NAALADL2: variants seen among roughly 807,000 people sequenced by gnomAD.
The protein encoded by NAALADL2 is N-acetylated alpha-linked acidic dipeptidase like 2, also known as inactive N-acetylated-alpha-linked acidic dipeptidase-like protein 2.
Under a neutral mutation model 87.2 loss-of-function variants are expected in NAALADL2, and 76 were observed. That is an observed-to-expected ratio of 0.87 (90% CI 0.72 to 1.05). NAALADL2 has a LOEUF of 1.05. NAALADL2 is among the 50% of genes least tolerant of loss of function. The pLI is 0.00. For missense variants in NAALADL2, 1,089 were observed against 945.8 expected (o/e 1.15, Z -1.99); for synonymous variants, 354 against 331.0 (o/e 1.07, Z -0.75).
At chr3:175,473,592 TTAA>T (rs1044042551) in intron 9 of NAALADL2, among the ~76,000 whole-genome samples, 5 of 151,660 alleles carry the variant, frequency 3.3e-5, no homozygotes, top group Admixed American at 3.3e-4. Context: ...ATACAAAAAT[TTAA>T]TATCACATTT....
intron 1 of NAALADL2, among the ~76,000 whole-genome samples, chr3:174,946,501 T>G (rs1219212102): frequency 1.3e-5 from 2 of 152,210 alleles, no homozygotes; most frequent in East Asian, 3.8e-4. Context: ...AGGATTACTT[T>G]GAGAATTATA....
chr3:174,557,286 A>T (rs1712952577), intron 2 of NAALADL2, among the ~76,000 whole-genome samples: 1 of 152,176 alleles, frequency 6.6e-6, no homozygotes, highest in African/African-American at 2.4e-5. Flanking sequence ...AAAAAATACA[A>T]CTTTATTTTT....
chr3:175,024,766 A>G (rs1421120574), intron 1 of NAALADL2, among the ~76,000 whole-genome samples: 2 of 152,056 alleles, frequency 1.3e-5, no homozygotes, highest in Admixed American at 6.6e-5. Context: ...AATTGACAAA[A>G]TTGAGCACAC....
chr3:175,646,881 ATAG>A (rs1477078454), intron 11 of NAALADL2, among the ~76,000 whole-genome samples: 1 of 152,072 alleles, frequency 6.6e-6, no homozygotes, highest in African/African-American at 2.4e-5. Flanking sequence ...CCCCATTATA[ATAG>A]TCAGGAAAGA....
intron 4 of NAALADL2, among the ~76,000 whole-genome samples, chr3:175,276,582 C>G (rs943883734): frequency 1.3e-5 from 2 of 152,086 alleles, no homozygotes; most frequent in East Asian, 3.9e-4. Flanking sequence ...GGATTACAGG[C>G]GTGAGCCACC....
chr3:175,027,316 A>G (rs751989836), intron 1 of NAALADL2, among the ~76,000 whole-genome samples: 1 of 152,248 alleles, frequency 6.6e-6, no homozygotes, highest in Non-Finnish European at 1.5e-5. Context: ...CTGAAGCAGC[A>G]TAGGTGAAGA....
chr3:175,790,054 A>T (rs1752589090), intron 13 of NAALADL2, among the ~76,000 whole-genome samples: 1 of 152,178 alleles, frequency 6.6e-6, no homozygotes, highest in Non-Finnish European at 1.5e-5. Context: ...GGGGACTTAG[A>T]ATACAAAATT....
intron 1 of NAALADL2, among the ~76,000 whole-genome samples, chr3:174,506,214 T>A (rs994289849): frequency 6.6e-6 from 1 of 151,702 alleles, no homozygotes; most frequent in African/African-American, 2.4e-5. Flanking sequence ...AGGGTCTCAT[T>A]CTATTTCCCA....
intron 2 of NAALADL2, among the ~76,000 whole-genome samples, chr3:174,695,229 T>A (rs1484357113): frequency 6.6e-6 from 1 of 152,008 alleles, no homozygotes; most frequent in East Asian, 1.9e-4. Context: ...AGTTATCATG[T>A]GTCGAGAGTC....
At chr3:175,231,608 A>G (rs754585163) in intron 2 of NAALADL2, among the ~76,000 whole-genome samples, 5 of 152,092 alleles carry the variant, frequency 3.3e-5, no homozygotes, top group African/African-American at 1.2e-4. Flanking sequence ...TGCACCATAA[A>G]GCAACTGAGA....
chr3:174,509,568 ATTTTTTTTTTTTTT>A (rs145219498), intron 1 of NAALADL2, among the ~76,000 whole-genome samples: 36 of 80,118 alleles, frequency 4.5e-4, no homozygotes, highest in South Asian at 1.3e-3. Context: ...CACCCAGCTA[ATTTTTTTTTTTTTT>A]TTTTTTTTTT....
At chr3:174,601,731 C>T (rs1325240702) in intron 2 of NAALADL2, among the ~76,000 whole-genome samples, 1 of 152,224 alleles carries the variant, frequency 6.6e-6, no homozygotes, top group East Asian at 1.9e-4. Context: ...ACTCCCATGT[C>T]CTGGAGAGTT....
At chr3:174,939,448 T>C (rs1259298146) in intron 1 of NAALADL2, among the ~76,000 whole-genome samples, 1 of 151,980 alleles carries the variant, frequency 6.6e-6, no homozygotes, top group Non-Finnish European at 1.5e-5. Context: ...TATGATGCCT[T>C]CAGTTTTTTC....
intron 4 of NAALADL2, among the ~76,000 whole-genome samples, chr3:175,294,931 G>T (rs1756127225): frequency 1.3e-5 from 2 of 152,266 alleles, no homozygotes; most frequent in Middle Eastern, 3.4e-3. Flanking sequence ...AAGCATGATT[G>T]CTTCTTAATA....
rs1722058873 is a variant in NAALADL2, at chr3:174,539,883, A to T, written c.-183-10686A>T. On this transcript the variant is annotated intron_variant, in intron 1 of 3. Coordinates refer to the NAALADL2 transcript ENST00000434257. ...AACATGAACAAAGATGCCAAGAGACATAGAGCATCTGTCAACCTCAGAGTT... is the reference window on the plus strand; with the variant it reads ...AACATGAACAAAGATGCCAAGAGACTTAGAGCATCTGTCAACCTCAGAGTT... Among the ~76,000 whole-genome samples, 3 of 151,310 alleles carry T rather than the reference A, an allele frequency of 2.0e-5. No individual in the cohort carries two copies. In the South Asian group the frequency reaches 6.3e-4, roughly 32 times the overall value.
intron 1 of NAALADL2, among the ~76,000 whole-genome samples, chr3:174,967,769 C>T (rs1235756781): frequency 6.6e-6 from 1 of 152,286 alleles, no homozygotes; most frequent in East Asian, 1.9e-4. Context: ...ATCACTGACC[C>T]CAAGAAAGAT....
intron 3 of NAALADL2, among the ~76,000 whole-genome samples, chr3:174,797,161 A>T (rs1319316349): frequency 1.3e-5 from 2 of 152,022 alleles, no homozygotes; most frequent in Non-Finnish European, 2.9e-5. Context: ...GTTCAGTTTC[A>T]TTCTTCTGCA....
chr3:174,522,803 G>A (rs1379923814), intron 1 of NAALADL2, among the ~76,000 whole-genome samples: 17 of 151,554 alleles, frequency 1.1e-4, no homozygotes, highest in Admixed American at 1.1e-3. Context: ...GTGCGGTGGC[G>A]GGCGCCTGTA....
chr3:175,610,737 C>G (rs1724519959), intron 10 of NAALADL2, among the ~76,000 whole-genome samples: 2 of 151,980 alleles, frequency 1.3e-5, no homozygotes, highest in Non-Finnish European at 2.9e-5. Context: ...ATCAGTGTAT[C>G]TGAAGAAATA....
Sources: allele counts gnomAD v4.1 joint callset (sites outside exome capture counted in the v4.1 genomes callset), GRCh38; gene constraint gnomAD v4.1.1; transcripts MANE v1.5; gene names NCBI Gene and HGNC (gene_info 2026-07-23, HGNC 2026-07-21).